The following FRZB variants were observed in gnomAD, a reference collection of about 807,000 sequenced individuals.
FRZB encodes the protein frizzled related protein, also known as secreted frizzled-related protein 3.
A neutral mutation model predicts 32.5 loss-of-function variants in FRZB; 34 were observed. The ratio of observed to expected loss-of-function variants is 1.05; its 90% CI spans 0.80 to 1.39. FRZB has a LOEUF of 1.39. Ranked by LOEUF, FRZB falls within the 40% of genes most tolerant of loss-of-function variation. The pLI is 0.00. For missense variants in FRZB, 423 were observed against 424.8 expected, an observed-to-expected ratio of 1.00 and a Z score of 0.04; for synonymous variants, 170 against 159.2, an observed-to-expected ratio of 1.07 and a Z score of -0.51.
chr2:182,862,916 C>T (rs750662329), intron 1 of FRZB, among the ~76,000 whole-genome samples: 23 of 152,030 alleles, frequency 1.5e-4, no homozygotes, highest in Admixed American at 5.9e-4. Context: ...ACGACAGGCA[C>T]GCACCACCAT....
chr2:182,845,700 C>T (rs535337517), intron 2 of FRZB, among the ~76,000 whole-genome samples: 1 of 152,304 alleles, frequency 6.6e-6, no homozygotes, highest in South Asian at 2.1e-4. Flanking sequence ...ACAATACCTT[C>T]AATTGTGGGA....
Position 182,866,206 on chromosome 2 carries a change from C to G in FRZB, c.347G>C (p.Arg116Pro). The change falls in exon 1 of 6, where the codon CGG becomes CCG. Residue 116 changes from arginine to proline, a missense_variant. Physicochemically the swap from Arg to Pro is moderately radical, Grantham distance 103. Transcript: ENST00000295113. The surrounding 1 kb of genome is among the most constrained non-coding windows in gnomAD (Gnocchi z 4.5). Reference protein sequence around the residue: ...KPCKSVCERARQGCEPILIKY... With the variant: ...KPCKSVCERAPQGCEPILIKY... ...GATGAGTATGGGCTCACAGCCCTGC[C>G]GGGCCCGCTCGCACACAGACTTACA... The G allele has an allele frequency of 3.1e-6, 5 of 1,614,160 alleles. No homozygotes were observed. Among genetic ancestry groups the G allele is most frequent in the Non-Finnish European group, 4.2e-6 (5 of 1,180,024 alleles).
rs773121152 is a variant in FRZB, at chr2:182,838,454, T to C, written c.752A>G (p.Asn251Ser). The change falls in exon 4 of 6, where the codon AAT becomes AGT. Residue 251 changes from asparagine (N) to serine (S), a missense_variant. Physicochemically the swap from Asn to Ser is conservative, Grantham distance 46. Coordinates refer to ENST00000295113, the MANE Select transcript of FRZB (RefSeq NM_001463.4). ...SGCLCPPLNV[N>S]EEYIIMGYED... ...ATAGCCCATGATGATATATTCCTCA[T>C]TAACATTAAGTGGAGGGCAGAGGCA... The C allele has an allele frequency of 1.4e-5, 22 of 1,612,732 alleles. No individual in the cohort carries two copies. In the African/African-American group the frequency reaches 2.1e-4, roughly 16 times the overall value.
At chr2:182,850,971 A>T (rs1695703916) in intron 2 of FRZB, among the ~76,000 whole-genome samples, 2 of 152,146 alleles carry the variant, frequency 1.3e-5, no homozygotes, top group African/African-American at 4.8e-5. Context: ...CTGATTAGTG[A>T]TGTTGAAAAT....
At chr2:182,864,147 T>C (rs1308434744) in intron 1 of FRZB, among the ~76,000 whole-genome samples, 1 of 152,246 alleles carries the variant, frequency 6.6e-6, no homozygotes, top group Non-Finnish European at 1.5e-5. Context: ...ACTGTTTCCA[T>C]GTTTGTTCCA....
chr2:182,847,522 A>G (rs1378868299), intron 2 of FRZB, among the ~76,000 whole-genome samples: 1 of 152,148 alleles, frequency 6.6e-6, no homozygotes. Flanking sequence ...TGATGACTGG[A>G]CCCTGAGCAA....
intron 2 of FRZB, among the ~76,000 whole-genome samples, chr2:182,855,159 A>G (rs1695754568): frequency 6.6e-6 from 1 of 152,230 alleles, no homozygotes; most frequent in African/African-American, 2.4e-5. Context: ...GCCTAATCCT[A>G]ACTAGGTTAA....
At chr2:182,861,510 C>T (rs1180108088) in intron 1 of FRZB, among the ~76,000 whole-genome samples, 2 of 152,238 alleles carry the variant, frequency 1.3e-5, no homozygotes, top group Non-Finnish European at 2.9e-5. Flanking sequence ...TTGTGCTTTA[C>T]CGTTTATCAG....
chr2:182,857,297 A>G (rs1441957814), intron 2 of FRZB, among the ~76,000 whole-genome samples: 1 of 152,172 alleles, frequency 6.6e-6, no homozygotes, highest in Non-Finnish European at 1.5e-5. Flanking sequence ...TCATTCTTAG[A>G]TGGGTATTTA....
chr2:182,862,799 G>A (rs1180805275), intron 1 of FRZB, among the ~76,000 whole-genome samples: 2 of 149,038 alleles, frequency 1.3e-5, no homozygotes, highest in Non-Finnish European at 3.0e-5. Context: ...AACACAGTCT[G>A]GCTCTGTCGC....
intron 1 of FRZB, among the ~76,000 whole-genome samples, chr2:182,864,184 A>G (rs1461431486): frequency 6.6e-6 from 1 of 152,208 alleles, no homozygotes; most frequent in Non-Finnish European, 1.5e-5. Context: ...AGGGACACTT[A>G]ATGAAACTGC....
At chr2:182,858,895 A>G (rs1695800314) in intron 1 of FRZB, 62 bp from the exon 2 acceptor site, 2 of 1,358,028 alleles carry the variant, frequency 1.5e-6, no homozygotes, top group African/African-American at 1.4e-5. Context: ...CCTAAAGATA[A>G]AAATCTAACT....
Position 182,842,513 on chromosome 2 carries a change from G to A in FRZB, c.557C>T (p.Thr186Ile). The change falls in exon 3 of 6, where the codon ACA becomes ATA. Residue 186 changes from threonine (T) to isoleucine (I), a missense_variant. Physicochemically the swap from Thr to Ile is moderately conservative, Grantham distance 89. Transcript: ENST00000295113. ...ATTGTTCCGGAAATAGGTCTTCTGT[G>A]TAGCTCTAATAGGCTTACATTTACA... ...ERCKCKPIRA[T>I]QKTYFRNNYN... 1 of 1,612,806 alleles carries A rather than the reference G, an allele frequency of 6.2e-7. No individual in the cohort carries two copies. Among genetic ancestry groups the A allele is most frequent in the Non-Finnish European group, 8.5e-7 (1 of 1,179,024 alleles).
chr2:182,843,912 T>C (rs373216942), intron 2 of FRZB, among the ~76,000 whole-genome samples: 3 of 150,934 alleles, frequency 2.0e-5, no homozygotes, highest in Non-Finnish European at 4.4e-5. Flanking sequence ...GACTGGGTGA[T>C]AGAGTAAGAC....
At chr2:182,838,280 C>G in intron 4 of FRZB, 129 bp downstream of exon 4, 4 of 807,986 alleles carry the variant, frequency 5.0e-6, no homozygotes, top group Non-Finnish European at 7.8e-6. Context: ...CCAACTAAAA[C>G]TTATCTGTAA....
chr2:182,866,567 G>T lies in FRZB; in HGVS notation c.-15C>A. 2.1e-6 allele frequency: 3 copies of T among 1,435,338 alleles called. No individual in the cohort carries two copies. Among genetic ancestry groups the T allele is most frequent in the South Asian group, 1.5e-5 (1 of 68,406 alleles). The allele number at this position is 1,435,338 out of a possible 1,614,324, so 88.9% of individuals were successfully genotyped here. ...CCGCAGACCATGATCCCGGCAGGAT[G>T]GGGCAGGGTGCAGCCGCGCAGTGGA... is the stretch of plus-strand genomic sequence containing the variant. On this transcript the variant is annotated 5_prime_UTR_variant, in exon 1 of 6. Coordinates refer to ENST00000295113, the MANE Select transcript of FRZB (RefSeq NM_001463.4). The surrounding 1 kb of genome is among the most constrained non-coding windows in gnomAD (Gnocchi z 4.5).
rs1559046279 is a variant in FRZB at position 182,838,488 on chromosome 2, T to TGGTATAGA, written c.710_717dup (p.Ser241IlefsTer37). On this transcript the variant is annotated frameshift_variant, in exon 4 of 6. Transcript: ENST00000295113. LOFTEE classifies it high-confidence loss of function. The stretch of plus-strand genomic sequence containing the variant: ...AGTGGAGGGCAGAGGCAGCCAGAGC[T>TGGTATAGA]GGTATAGAGGTTGACAGTGTCCCGT... 6.2e-7 allele frequency: 1 copy of TGGTATAGA among 1,613,014 alleles called. No homozygotes were observed. The highest frequency in any genetic ancestry group is 1.1e-5 in the South Asian group (1 of 91,060).
chr2:182,839,730 C>G (rs1695565863), intron 3 of FRZB, among the ~76,000 whole-genome samples: 1 of 151,912 alleles, frequency 6.6e-6, no homozygotes, highest in South Asian at 2.1e-4. Context: ...GTAAAAATAT[C>G]AGTAAAAAGC....
intron 2 of FRZB, among the ~76,000 whole-genome samples, chr2:182,852,114 T>C (rs1411605194): frequency 6.6e-6 from 1 of 152,172 alleles, no homozygotes; most frequent in African/African-American, 2.4e-5. Context: ...CTACAGTCAG[T>C]AAACATTTGT....
Sources: allele counts gnomAD v4.1 joint callset (sites outside exome capture counted in the v4.1 genomes callset), GRCh38; gene constraint gnomAD v4.1.1; non-coding constraint Gnocchi (gnomAD v3.1); transcripts MANE v1.5; gene names NCBI Gene and HGNC (gene_info 2026-07-23, HGNC 2026-07-21).